The following C5orf34 variants were observed in gnomAD, a reference collection of about 807,000 sequenced individuals.
C5orf34 encodes the protein chromosome 5 open reading frame 34, also known as uncharacterized protein C5orf34.
In C5orf34, 73 loss-of-function variants were observed where a neutral mutation model predicts 78.4. The observed-to-expected ratio is 0.93, with a 90% CI of 0.77 to 1.13. The LOEUF (loss-of-function observed/expected upper bound fraction) is 1.13. C5orf34 is among the 50% of genes most tolerant of loss of function. The pLI, the probability that C5orf34 is intolerant of heterozygous loss-of-function variation, is 0.00. For missense variants in C5orf34, 730 were observed against 732.7 expected (o/e 1.00, Z 0.04); for synonymous variants, 251 against 246.6 (o/e 1.02, Z -0.17).
chr5:43,492,438 GTTTA>G, intron 9 of C5orf34, 129 bp from the exon 10 acceptor site: 1 of 666,276 alleles, frequency 1.5e-6, no homozygotes, highest in Non-Finnish European at 2.6e-6. Context: ...TTTAAATGTT[GTTTA>G]CATGAGATAT....
Position 43,509,260 on chromosome 5 carries a change from A to AG in C5orf34, c.79dup (p.Leu27ProfsTer7). ...TAAAAATTCAGAGCCACAGGGAGAA[A>AG]GTTGCAATGTGGAACCATCAACATA... On this transcript the variant is annotated frameshift_variant, in exon 2 of 13. Transcript: ENST00000306862. LOFTEE classifies it high-confidence loss of function. 6.2e-7 allele frequency: 1 copy of AG among 1,614,096 alleles called. No homozygotes were observed. The highest frequency in any genetic ancestry group is 1.6e-4 in the Middle Eastern group (1 of 6,062).
rs569406328 is a variant in C5orf34, at chr5:43,501,372, G to A, written c.1152+1000C>T. On this transcript the variant is annotated intron_variant, in intron 6 of 12. Transcript: ENST00000306862. The stretch of plus-strand genomic sequence containing the variant: ...AACACAAGACTGTGAACTCTTGAGG[G>A]CAGGAACTCTTCTTCATCTTCATCC... Among the ~76,000 whole-genome samples the A allele has an allele frequency of 3.4e-5, 5 of 149,228 alleles. No homozygotes were observed. In the South Asian group the frequency reaches 6.5e-4, roughly 19 times the overall value.
chr5:43,502,629 G>C, intron 5 of C5orf34, 134 bp from the exon 6 acceptor site: 1 of 601,656 alleles, frequency 1.7e-6, no homozygotes, highest in Non-Finnish European at 2.9e-6. Context: ...CAGTGAAGCA[G>C]ATAATTTCAT....
intron 1 of C5orf34, among the ~76,000 whole-genome samples, chr5:43,510,457 T>A (rs1332706728): frequency 6.6e-6 from 1 of 152,120 alleles, no homozygotes; most frequent in Non-Finnish European, 1.5e-5. Context: ...GGTCTCCCTC[T>A]CCCTCTCTTT....
At chr5:43,495,176 A>G in intron 6 of C5orf34, 1 of 1,610,912 alleles carries the variant, frequency 6.2e-7, no homozygotes, top group African/African-American at 1.3e-5. Context: ...TGTCTGTCTC[A>G]TATCACGAAC....
intron 12 of C5orf34, 75 bp downstream of exon 12, chr5:43,487,833 AG>A: frequency 9.3e-7 from 1 of 1,074,498 alleles, no homozygotes; most frequent in East Asian, 2.5e-5. Context: ...ATATTCACAA[AG>A]TACTGAAGTC....
chr5:43,488,738 C>T (rs1745157910), intron 11 of C5orf34, among the ~76,000 whole-genome samples: 3 of 151,970 alleles, frequency 2.0e-5, no homozygotes, highest in African/African-American at 7.2e-5. Context: ...CCAGCAGAAC[C>T]CCTAAGTGTG....
chr5:43,488,614 T>G (rs1440248633), intron 11 of C5orf34, among the ~76,000 whole-genome samples: 1 of 152,080 alleles, frequency 6.6e-6, no homozygotes, highest in Non-Finnish European at 1.5e-5. Context: ...CCTACTTATT[T>G]CATTGTTTTT....
rs771686166 is a variant in C5orf34, at chr5:43,494,538, C to A, written c.1216G>T (p.Val406Phe). ...PPDRPGSPFT[V>F]GSLIKQATRI... ...GTTGCCTGTTTAATTAGAGAACCGACAGTGAATGGACTTCCCGGTCTATCT... is the reference window on the plus strand; with the variant it reads ...GTTGCCTGTTTAATTAGAGAACCGAAAGTGAATGGACTTCCCGGTCTATCT... Residue 406 changes from valine to phenylalanine, a missense_variant, in exon 7 of 13, where the codon GTC becomes TTC. Transcript: ENST00000306862. The A allele has an allele frequency of 6.2e-7, 1 of 1,606,898 alleles. No individual in the cohort carries two copies. Among genetic ancestry groups the A allele is most frequent in the Non-Finnish European group, 8.5e-7 (1 of 1,175,324 alleles).
Position 43,490,683 on chromosome 5 carries a change from T to C in C5orf34, c.1627A>G (p.Ser543Gly). The change falls in exon 11 of 13, where the codon AGT (serine) becomes GGT (glycine). Residue 543 changes from serine (S) to glycine (G), a missense_variant. Coordinates refer to ENST00000306862, the MANE Select transcript of C5orf34 (RefSeq NM_198566.4). ...TSWCRRLTQT[S>G]PREMPTHSSS... ...GAATGAGTGGGCATCTCTCTGGGAC[T>C]AGTCTGGGTCAGTCTCCTGCACCAT... The C allele has an allele frequency of 1.2e-6, 2 of 1,611,778 alleles. No individual in the cohort carries two copies. Among genetic ancestry groups the C allele is most frequent in the Non-Finnish European group, 1.7e-6 (2 of 1,178,110 alleles).
intron 6 of C5orf34, among the ~76,000 whole-genome samples, chr5:43,501,842 G>T (rs1435846197): frequency 6.6e-6 from 1 of 152,112 alleles, no homozygotes; most frequent in Non-Finnish European, 1.5e-5. Context: ...TATCAGAGGG[G>T]CAATAAGCAA....
rs1423676002 is a variant in C5orf34, at chr5:43,487,051, G to C, written c.1781C>G (p.Ser594Cys). 1 of 1,574,868 alleles carries C rather than the reference G, an allele frequency of 6.3e-7. No homozygotes were observed. ...AGATCCTGGTTTATAATGATCAAAA[G>C]ACTGTTGTTCATTTTTCTTGTTAGA... Reference protein sequence around the residue: ...QISNKKNEQQSFDHYKPGSSE... With the variant: ...QISNKKNEQQCFDHYKPGSSE... Residue 594 changes from serine (S) to cysteine (C), a missense_variant, in exon 13 of 13, where the codon TCT becomes TGT. Transcript: ENST00000306862.
At position 43,488,183 on chromosome 5, in the gene C5orf34, G is replaced by A. The variant is rs1448962301; in HGVS notation, c.1680-234C>T. 15 of 497,756 alleles carry A rather than the reference G, an allele frequency of 3.0e-5. No homozygotes were observed. In the East Asian group the frequency reaches 4.6e-4, roughly 15 times the overall value. The allele number at this position is 497,756 out of a possible 1,614,324, so 30.8% of individuals were successfully genotyped here. A position where few individuals can be genotyped will look rare whatever the true frequency, so the allele number is the denominator to read the frequency against. ...TCTACCCCTTGTAAATCCACTTCAA[G>A]GAATTTGTAATCAAATATTGATGTT... On this transcript the variant is annotated intron_variant, in intron 11 of 12. Coordinates refer to ENST00000306862, the MANE Select transcript of C5orf34 (RefSeq NM_198566.4).
intron 2 of C5orf34, 51 bp from the exon 3 acceptor site, chr5:43,508,717 C>A: frequency 8.9e-7 from 1 of 1,117,948 alleles, no homozygotes; most frequent in South Asian, 1.3e-5. Context: ...ATTTGAAAAT[C>A]AATTAAAAAT....
chr5:43,503,534 C>T (rs945089436), intron 5 of C5orf34, 131 bp downstream of exon 5: 3 of 737,694 alleles, frequency 4.1e-6, no homozygotes, highest in Admixed American at 4.4e-5. Context: ...CAGGATCAAA[C>T]ACAGGAGCAC....
Position 43,509,283 on chromosome 5 carries a change from A to G in C5orf34, c.57T>C (p.Tyr19=), listed in dbSNP as rs1229738142. Residue 19 remains tyrosine (Y), a synonymous_variant, in exon 2 of 13, where the codon TAT becomes TAC. Coordinates refer to ENST00000306862, the MANE Select transcript of C5orf34 (RefSeq NM_198566.4). ...AAAGTTGCAATGTGGAACCATCAAC[A>G]TATTGTACTTGTACTGAATCATCTT... ...LYEDDSVQVQ[Y]VDGSTLQLSP... is the part of the protein sequence containing the mutation. 1 of 1,614,092 alleles carries G rather than the reference A, an allele frequency of 6.2e-7. No homozygotes were observed. Among genetic ancestry groups the G allele is most frequent in the East Asian group, 2.2e-5 (1 of 44,894 alleles).
intron 3 of C5orf34, among the ~76,000 whole-genome samples, chr5:43,507,702 GT>G (rs1746048995): frequency 6.6e-6 from 1 of 152,186 alleles, no homozygotes; most frequent in Non-Finnish European, 1.5e-5. Context: ...GATAGACTAG[GT>G]TCAAATCCTG....
chr5:43,492,402 T>A, intron 9 of C5orf34, 93 bp from the exon 10 acceptor site: 1 of 812,594 alleles, frequency 1.2e-6, no homozygotes, highest in Non-Finnish European at 2.0e-6. Context: ...AAGAAATAAG[T>A]AGAGGAATCA....
intron 3 of C5orf34, 130 bp downstream of exon 3, chr5:43,508,447 T>G (rs1004740074): frequency 6.7e-6 from 4 of 600,096 alleles, no homozygotes; most frequent in African/African-American, 3.7e-5. Flanking sequence ...ATACACTATG[T>G]AACTTTGATG....
Sources: allele counts gnomAD v4.1 joint callset (sites outside exome capture counted in the v4.1 genomes callset), GRCh38; gene constraint gnomAD v4.1.1; transcripts MANE v1.5; gene names NCBI Gene and HGNC (gene_info 2026-07-23, HGNC 2026-07-21).